The following IPO11 variants were observed in gnomAD, a reference collection of about 807,000 sequenced individuals.
IPO11 encodes importin 11, also known as importin-11.
Under a neutral mutation model 143.2 loss-of-function variants are expected in IPO11, and 66 were observed. That is an observed-to-expected ratio of 0.46 (90% confidence interval 0.38 to 0.57). IPO11 has a LOEUF of 0.57. IPO11 is among the 20% of genes least tolerant of loss of function. The pLI, the probability that IPO11 is intolerant of heterozygous loss-of-function variation, is 0.00. For missense variants in IPO11, 1,026 were observed against 1,141.0 expected, an observed-to-expected ratio of 0.90 and a Z score of 1.45; for synonymous variants, 385 against 377.8, an observed-to-expected ratio of 1.02 and a Z score of -0.22.
chr5:62,521,293 T>C (rs999249887), intron 20 of IPO11, among the ~76,000 whole-genome samples: 7 of 152,216 alleles, frequency 4.6e-5, no homozygotes, highest in African/African-American at 1.7e-4. Context: ...TTTTGAGATA[T>C]TGCATGTGCG....
chr5:62,454,068 G>A (rs915946278), intron 5 of IPO11, among the ~76,000 whole-genome samples: 1 of 152,182 alleles, frequency 6.6e-6, no homozygotes, highest in Non-Finnish European at 1.5e-5. Flanking sequence ...CTAGGAGGTG[G>A]AGCTTGCAGT....
At chr5:62,450,079 G>T in intron 4 of IPO11, 80 bp downstream of exon 4, 1 of 924,166 alleles carries the variant, frequency 1.1e-6, no homozygotes, top group South Asian at 1.7e-5. Flanking sequence ...GCATTAAAAT[G>T]AAAAATAAAA....
At chr5:62,551,378 A>C (rs1056156311) in intron 26 of IPO11, 42 bp downstream of exon 26, 1 of 1,046,556 alleles carries the variant, frequency 9.6e-7, no homozygotes, top group African/African-American at 1.6e-5. Context: ...TCTTTATCTA[A>C]ATATAAATTA....
chr5:62,448,814 C>G (rs1744809902), intron 3 of IPO11, among the ~76,000 whole-genome samples: 1 of 152,184 alleles, frequency 6.6e-6, no homozygotes, highest in African/African-American at 2.4e-5. Context: ...CTATCTCAGC[C>G]TCCCAAAGGA....
intron 3 of IPO11, among the ~76,000 whole-genome samples, chr5:62,445,687 G>A (rs1744695610): frequency 6.6e-6 from 1 of 152,028 alleles, no homozygotes; most frequent in Non-Finnish European, 1.5e-5. Flanking sequence ...GGATGCTTTT[G>A]CCCAGCAGTA....
chr5:62,497,128 C>T (rs539719098), intron 16 of IPO11, among the ~76,000 whole-genome samples: 8 of 152,282 alleles, frequency 5.3e-5, no homozygotes, highest in South Asian at 2.1e-4. Context: ...GATTAACTAC[C>T]GTTGTCCATG....
chr5:62,583,018 C>T (rs1744627352), intron 27 of IPO11, among the ~76,000 whole-genome samples: 1 of 152,152 alleles, frequency 6.6e-6, no homozygotes, highest in Non-Finnish European at 1.5e-5. Flanking sequence ...TTGCTTTTCC[C>T]TGCTTAGCTG....
intron 29 of IPO11, among the ~76,000 whole-genome samples, chr5:62,621,429 G>A (rs1401183099): frequency 6.6e-6 from 1 of 152,136 alleles, no homozygotes; most frequent in South Asian, 2.1e-4. Context: ...AACAGGAGAG[G>A]CCAGGCTCCT....
chr5:62,490,325 C>T (rs1013997183), intron 15 of IPO11, 105 bp downstream of exon 15: 22 of 634,158 alleles, frequency 3.5e-5, no homozygotes, highest in African/African-American at 1.5e-4. Flanking sequence ...AAAATGCAAT[C>T]GTATAAGTTA....
chr5:62,488,999 C>A (rs1746511475), intron 13 of IPO11, among the ~76,000 whole-genome samples: 1 of 152,092 alleles, frequency 6.6e-6, no homozygotes, highest in Admixed American at 6.6e-5. Flanking sequence ...CAAAGCAAGA[C>A]CTTGTCTCAA....
intron 21 of IPO11, among the ~76,000 whole-genome samples, chr5:62,527,441 G>T (rs1419444866): frequency 6.6e-6 from 1 of 152,180 alleles, no homozygotes; most frequent in Non-Finnish European, 1.5e-5. Context: ...ATAAGTACGT[G>T]GGTGGATTTA....
chr5:62,491,103 T>A (rs1746594134), intron 15 of IPO11, among the ~76,000 whole-genome samples: 1 of 152,256 alleles, frequency 6.6e-6, no homozygotes. Context: ...ACACTTCTAC[T>A]GATTCACTTC....
At chr5:62,511,635 A>G (rs1741750603) in intron 19 of IPO11, among the ~76,000 whole-genome samples, 2 of 152,258 alleles carry the variant, frequency 1.3e-5, no homozygotes, top group Non-Finnish European at 2.9e-5. Context: ...GTATTTTACT[A>G]GCAGAATGAA....
In IPO11 at chr5:62,494,075, C is replaced by A; in HGVS notation, c.1541C>A (p.Pro514His). ...ISVKFKSDLRPMLYEAICNLL... is the reference protein window; with the variant it reads ...ISVKFKSDLRHMLYEAICNLL... The stretch of plus-strand genomic sequence containing the variant: ...GTGAAATTCAAGTCTGACTTAAGAC[C>A]CATGCTTTATGAAGCAATCTGTAAC... Residue 514 changes from proline to histidine, a missense_variant, in exon 16 of 30, where the codon CCC (proline) becomes CAC (histidine). Physicochemically the swap from Pro to His is moderately conservative, Grantham distance 77 (BLOSUM62 -2). Coordinates refer to ENST00000325324, the MANE Select transcript of IPO11 (RefSeq NM_016338.5). The A allele has an allele frequency of 6.2e-7, 1 of 1,612,412 alleles. No individual in the cohort carries two copies. The highest frequency in any genetic ancestry group is 2.2e-5 in the East Asian group (1 of 44,778).
intron 21 of IPO11, chr5:62,526,486 T>C (rs1003903653): frequency 2.7e-5 from 9 of 335,046 alleles, no homozygotes; most frequent in Non-Finnish European, 4.4e-5. Flanking sequence ...CTGCATTTCA[T>C]CTTTTGGAAT....
intron 1 of IPO11, among the ~76,000 whole-genome samples, chr5:62,426,651 A>C (rs1743753276): frequency 6.6e-6 from 1 of 152,092 alleles, no homozygotes; most frequent in Admixed American, 6.6e-5. Flanking sequence ...GGCCTTAAAA[A>C]ATGTATTTTT....
At chr5:62,569,351 CT>C (rs1744060792) in intron 27 of IPO11, among the ~76,000 whole-genome samples, 2 of 152,238 alleles carry the variant, frequency 1.3e-5, no homozygotes, top group Non-Finnish European at 2.9e-5. Flanking sequence ...CGATCTCTCA[CT>C]TGGTTTCTTT....
At chr5:62,530,884 T>TA in intron 22 of IPO11, 99 bp downstream of exon 22, 1 of 868,542 alleles carries the variant, frequency 1.2e-6, no homozygotes, top group Non-Finnish European at 1.9e-6. Context: ...AGTTGTAAGT[T>TA]CAACTTCTAG....
chr5:62,523,867 A>C (rs1339161852), intron 20 of IPO11, among the ~76,000 whole-genome samples: 1 of 152,160 alleles, frequency 6.6e-6, no homozygotes, highest in Non-Finnish European at 1.5e-5. Context: ...AAGACAGCCA[A>C]GGATACTACC....
Sources: gnomAD v4.1 joint callset for allele counts (sites outside exome capture counted in the v4.1 genomes callset) on GRCh38, gnomAD v4.1.1 for gene constraint, MANE v1.5 for transcripts, NCBI Gene and HGNC (gene_info 2026-07-23, HGNC 2026-07-21) for gene names.